FAM13A: variants seen among roughly 807,000 people sequenced by gnomAD.
FAM13A encodes protein FAM13A.
A neutral mutation model predicts 129.6 loss-of-function variants in FAM13A; 76 were observed. The observed-to-expected ratio is 0.59, with a 90% CI of 0.49 to 0.71. The LOEUF is 0.71. FAM13A is among the 30% of genes least tolerant of loss of function. FAM13A has a pLI of 0.00. For synonymous variants in FAM13A, 443 were observed against 449.9 expected (o/e 0.98, Z 0.20); for missense variants, 1,108 against 1,249.3 (o/e 0.89, Z 1.70).
intron 19 of FAM13A, among the ~76,000 whole-genome samples, chr4:88,743,121 G>A (rs1041331916): frequency 2.0e-5 from 3 of 152,114 alleles, no homozygotes; most frequent in South Asian, 2.1e-4. Flanking sequence ...CTTCCACTCC[G>A]TCTTTCCTTA....
intron 3 of FAM13A, among the ~76,000 whole-genome samples, chr4:88,991,870 T>G (rs563601624): frequency 4.6e-5 from 7 of 152,194 alleles, no homozygotes; most frequent in Non-Finnish European, 1.0e-4. Flanking sequence ...CCACTTTTAG[T>G]AAGAATACTG....
At chr4:89,045,031 A>G (rs1770667576) in intron 1 of FAM13A, among the ~76,000 whole-genome samples, 1 of 152,192 alleles carries the variant, frequency 6.6e-6, no homozygotes, top group African/African-American at 2.4e-5. Context: ...AATATGCTTA[A>G]TCTTACAGAA....
intron 1 of FAM13A, among the ~76,000 whole-genome samples, chr4:89,048,804 C>T (rs1031919224): frequency 6.6e-6 from 1 of 152,068 alleles, no homozygotes; most frequent in Admixed American, 6.5e-5. Context: ...ATTACTACTG[C>T]TACACTAATG....
At chr4:88,764,218 T>C (rs116335167) in intron 13 of FAM13A, among the ~76,000 whole-genome samples, 1 of 152,206 alleles carries the variant, frequency 6.6e-6, no homozygotes, top group Non-Finnish European at 1.5e-5. Context: ...ATTATGAATG[T>C]CTTGTTTGTT....
At chr4:88,844,147 C>T (rs988546568) in intron 7 of FAM13A, among the ~76,000 whole-genome samples, 1 of 152,082 alleles carries the variant, frequency 6.6e-6, no homozygotes, top group African/African-American at 2.4e-5. Context: ...GAGTACATGC[C>T]CCCTCAGTAC....
At chr4:88,867,857 C>T (rs1482276673) in intron 6 of FAM13A, among the ~76,000 whole-genome samples, 2 of 152,064 alleles carry the variant, frequency 1.3e-5, no homozygotes, top group African/African-American at 4.8e-5. Context: ...GGGAGAAAAA[C>T]TAACAACAAC....
chr4:88,845,882 C>T (rs1170082956), intron 7 of FAM13A, among the ~76,000 whole-genome samples: 1 of 152,092 alleles, frequency 6.6e-6, no homozygotes, highest in Admixed American at 6.5e-5. Context: ...CACACTGTCC[C>T]ATGGTAAGAT....
intron 6 of FAM13A, among the ~76,000 whole-genome samples, chr4:88,858,220 T>C (rs1299686275): frequency 2.0e-5 from 3 of 152,208 alleles, no homozygotes; most frequent in South Asian, 2.1e-4. Flanking sequence ...CAGGTAAATC[T>C]GTACATGGTA....
intron 6 of FAM13A, among the ~76,000 whole-genome samples, chr4:88,889,940 T>C (rs1339264493): frequency 6.6e-6 from 1 of 152,138 alleles, no homozygotes; most frequent in Non-Finnish European, 1.5e-5. Context: ...TAGGCATTGG[T>C]CATAATTGTA....
rs531158929 is a variant in FAM13A, at chr4:88,867,038, A to G, written c.844-15855T>C. Among the ~76,000 whole-genome samples the G allele has an allele frequency of 5.3e-5, 8 of 152,370 alleles. No homozygotes were observed. In the Middle Eastern group the frequency reaches 0.01, roughly 194 times the overall value. On this transcript the variant is annotated intron_variant, in intron 6 of 23. Transcript: ENST00000264344. ...ATTATGTGTGGTAGTTATGTTCTAT[A>G]AAGTTGCCATGAACACTGAATTAGT...
At chr4:88,825,921 G>T (rs1415990040) in intron 7 of FAM13A, among the ~76,000 whole-genome samples, 4 of 152,026 alleles carry the variant, frequency 2.6e-5, no homozygotes, top group Admixed American at 2.0e-4. Flanking sequence ...TATGGTTTTT[G>T]ATCTATTTTG....
intron 7 of FAM13A, among the ~76,000 whole-genome samples, chr4:88,817,670 A>G (rs995573374): frequency 6.6e-6 from 1 of 152,228 alleles, no homozygotes; most frequent in Admixed American, 6.5e-5. Flanking sequence ...ATTCTGCACC[A>G]CAGACAAATG....
chr4:88,737,492 A>T lies in FAM13A; in HGVS notation c.2626T>A (p.Ser876Thr). ...TTCACCTTTATCTCCTTGAAGAAGG[A>T]AGCAGTTTCGCCCTCGATAATTGGC... ...LQPIIEGETA[S>T]FFKEIKEEEE... is the part of the protein sequence containing the mutation. Residue 876 changes from serine (S) to threonine (T), a missense_variant, in exon 21 of 24, where the codon TCC becomes ACC. By Grantham distance (58) the Ser-to-Thr change is moderately conservative. This residue lies in a region of FAM13A where 529 missense variants were observed against 621.2 expected (regional missense o/e 0.85). Transcript: ENST00000264344. 1.9e-6 allele frequency: 3 copies of T among 1,614,094 alleles called. No individual in the cohort carries two copies. The highest frequency in any genetic ancestry group is 2.5e-6 in the Non-Finnish European group (3 of 1,179,964).
chr4:89,042,147 C>T (rs1770229597), intron 1 of FAM13A, among the ~76,000 whole-genome samples: 1 of 151,626 alleles, frequency 6.6e-6, no homozygotes, highest in Admixed American at 6.6e-5. Flanking sequence ...AACTCCTTAA[C>T]AGGGGAGCAA....
At chr4:88,809,749 C>G (rs932665952) in intron 7 of FAM13A, among the ~76,000 whole-genome samples, 1 of 151,898 alleles carries the variant, frequency 6.6e-6, no homozygotes, top group Non-Finnish European at 1.5e-5. Context: ...TATCCACAGT[C>G]TCAGTCGTTA....
At chr4:88,996,051 T>C (rs1763498897) in intron 3 of FAM13A, among the ~76,000 whole-genome samples, 1 of 151,902 alleles carries the variant, frequency 6.6e-6, no homozygotes, top group South Asian at 2.1e-4. Flanking sequence ...AGGAAGTGTG[T>C]AGTAGGCAAG....
chr4:88,912,809 T>C (rs1431260401), intron 5 of FAM13A, among the ~76,000 whole-genome samples: 1 of 152,034 alleles, frequency 6.6e-6, no homozygotes, highest in Non-Finnish European at 1.5e-5. Context: ...AGACTCTGTC[T>C]CTACAAAAAC....
chr4:88,768,609 C>T (rs1746171515), intron 11 of FAM13A, among the ~76,000 whole-genome samples: 1 of 152,022 alleles, frequency 6.6e-6, no homozygotes, highest in Admixed American at 6.6e-5. Flanking sequence ...CATATACATA[C>T]TCAGTGTATA....
chr4:88,908,086 C>T (rs1015854910), intron 5 of FAM13A, among the ~76,000 whole-genome samples: 3 of 152,232 alleles, frequency 2.0e-5, no homozygotes, highest in African/African-American at 7.2e-5. Flanking sequence ...TCTCAGCTGC[C>T]TGTGGCCTCA....
Sources: gnomAD v4.1 joint callset for allele counts (sites outside exome capture counted in the v4.1 genomes callset) on GRCh38, gnomAD v4.1.1 for gene constraint, gnomAD v4.1.1 regional missense constraint, MANE v1.5 for transcripts, NCBI Gene and HGNC (gene_info 2026-07-23, HGNC 2026-07-21) for gene names.